The following NUP210L variants were observed in gnomAD, a reference collection of about 807,000 sequenced individuals.
The protein encoded by NUP210L is nuclear pore membrane glycoprotein 210-like.
A neutral mutation model predicts 208.5 loss-of-function variants in NUP210L; 74 were observed. The observed-to-expected ratio is 0.35, with a 90% CI of 0.29 to 0.43. The LOEUF is 0.43. NUP210L is among the 20% of genes least tolerant of loss of function. The pLI, the probability that NUP210L is intolerant of heterozygous loss-of-function variation, is 1.00. For missense variants in NUP210L, 1,843 were observed against 2,289.4 expected, an observed-to-expected ratio of 0.81 and a Z score of 3.98; for synonymous variants, 780 against 816.9, an observed-to-expected ratio of 0.95 and a Z score of 0.77.
chr1:154,010,194 G>T, intron 34 of NUP210L, 73 bp from the exon 35 acceptor site: 2 of 1,419,808 alleles, frequency 1.4e-6, no homozygotes, highest in Non-Finnish European at 9.6e-7. Flanking sequence ...ATTATATGGA[G>T]GCAATTTTGA....
Position 154,045,788 on chromosome 1 carries a change from C to T in NUP210L, c.3696+281G>A, listed in dbSNP as rs910603396. On this transcript the variant is annotated intron_variant, in intron 27 of 39. Transcript: ENST00000368559. ...CCTAAGCTCAGGAGCTCAAGAACAG[C>T]CTGGGCAACAAGGCAAAAACCCCAT... Among the ~76,000 whole-genome samples, 4 of 152,162 alleles carry T rather than the reference C, an allele frequency of 2.6e-5. No homozygotes were observed. The East Asian group carries it at 7.7e-4, about 29-fold the overall frequency.
intron 17 of NUP210L, among the ~76,000 whole-genome samples, chr1:154,068,380 T>C (rs1434665425): frequency 3.3e-5 from 5 of 152,070 alleles, no homozygotes; most frequent in Non-Finnish European, 7.4e-5. Flanking sequence ...TGGCTAGCCA[T>C]ATGTAGAAAG....
chr1:154,022,245 C>A lies in NUP210L; in HGVS notation c.4397G>T (p.Arg1466Ile), dbSNP rs999292387. 3 of 1,614,024 alleles carry A rather than the reference C, an allele frequency of 1.9e-6. No individual in the cohort carries two copies. Among genetic ancestry groups the A allele is most frequent in the African/African-American group, 2.7e-5 (2 of 74,916 alleles). The change falls in exon 32 of 40, where the codon AGA becomes ATA. Residue 1466 changes from arginine to isoleucine, a missense_variant. By Grantham distance (97) the Arg-to-Ile change is moderately conservative (BLOSUM62 -3). Transcript: ENST00000368559. Reference sequence around the variant, plus strand: ...AATATAATCTGCCATGCCTGGATGTCTCCGGTCCCAAAGCCCCACAAGTGT... The same window carrying A: ...AATATAATCTGCCATGCCTGGATGTATCCGGTCCCAAAGCCCCACAAGTGT...
At chr1:154,095,573 T>C (rs970112664) in intron 14 of NUP210L, among the ~76,000 whole-genome samples, 3 of 152,194 alleles carry the variant, frequency 2.0e-5, no homozygotes, top group African/African-American at 7.2e-5. Flanking sequence ...TTATACCTAA[T>C]TTGTTTTAGT....
At chr1:154,130,890 C>A (rs568092616) in intron 7 of NUP210L, among the ~76,000 whole-genome samples, 1 of 152,072 alleles carries the variant, frequency 6.6e-6, no homozygotes, top group South Asian at 2.1e-4. Context: ...CGGCCTAAAG[C>A]AAATCTTCTA....
At chr1:154,023,215 A>G (rs751992593) in exon 31 of NUP210L, 5 of 1,613,966 alleles carry the variant, frequency 3.1e-6, no homozygotes. Context: ...AGACATGCCC[A>G]AGGGAAATGC....
At chr1:154,135,421 T>C (rs983863920) in intron 7 of NUP210L, among the ~76,000 whole-genome samples, 2 of 151,966 alleles carry the variant, frequency 1.3e-5, no homozygotes, top group East Asian at 3.9e-4. Context: ...AGTAGTATTA[T>C]AATCTTTTTT....
chr1:154,031,899 A>T (rs369432527), intron 27 of NUP210L, among the ~76,000 whole-genome samples: 1,999 of 119,048 alleles, frequency 0.017, 32 homozygotes, highest in African/African-American at 0.043. Flanking sequence ...ATTAAAAAAA[A>T]TTTTTTTTTT....
intron 25 of NUP210L, among the ~76,000 whole-genome samples, chr1:154,052,297 C>T (rs1325355502): frequency 6.6e-6 from 1 of 152,180 alleles, no homozygotes; most frequent in Non-Finnish European, 1.5e-5. Flanking sequence ...CACCTGAAAC[C>T]TTATCATGAG....
chr1:154,150,028 G>A (rs533057247), intron 2 of NUP210L, among the ~76,000 whole-genome samples: 2 of 152,142 alleles, frequency 1.3e-5, no homozygotes, highest in Non-Finnish European at 2.9e-5. Flanking sequence ...AGGAGTTTGA[G>A]ACCAGCCTAG....
chr1:154,058,834 T>A, intron 20 of NUP210L, 141 bp from the exon 21 acceptor site: 1 of 731,336 alleles, frequency 1.4e-6, no homozygotes. Context: ...GTAACATTAT[T>A]CAGGCATAGC....
At chr1:154,090,568 T>C (rs915790234) in intron 15 of NUP210L, among the ~76,000 whole-genome samples, 2 of 152,168 alleles carry the variant, frequency 1.3e-5, no homozygotes. Flanking sequence ...CCCAGCACTT[T>C]GGGAGGCTGA....
At chr1:154,138,475 A>G (rs1462247346) in intron 5 of NUP210L, among the ~76,000 whole-genome samples, 3 of 152,218 alleles carry the variant, frequency 2.0e-5, no homozygotes, top group Non-Finnish European at 4.4e-5. Flanking sequence ...AAAGTCTTCT[A>G]AAAGAAAAAA....
In NUP210L at chr1:154,029,927, A is replaced by G. The variant is rs1256032472; in HGVS notation, c.3824T>C (p.Leu1275Ser). Residue 1275 changes from leucine (L) to serine (S), a missense_variant, in exon 28 of 40, where the codon TTG becomes TCG. Physicochemically the swap from Leu to Ser is moderately radical, Grantham distance 145. Around this residue, in one of 5 missense-constraint regions of NUP210L, gnomAD observed 781 missense variants for 973.8 expected, o/e 0.80. Transcript: ENST00000368559. ...CTGTACTTCATCAGAGAGTTCCAAC[A>G]AATTCCCCTCAAACTGCCCAGAGGA... 3.1e-6 allele frequency: 5 copies of G among 1,610,030 alleles called. No homozygotes were observed. In the African/African-American group the frequency reaches 6.7e-5, roughly 22 times the overall value.
In NUP210L at chr1:154,141,448, TTCTTC is replaced by T. The variant is rs770147372; in HGVS notation, c.544_548del (p.Glu182ThrfsTer3). The T allele has an allele frequency of 1.3e-5, 21 of 1,606,964 alleles. No homozygotes were observed. Among genetic ancestry groups the T allele is most frequent in the Non-Finnish European group, 1.7e-5 (20 of 1,173,442 alleles). ...AAGTTTACCTAATTTTGCTAGACAG[TTCTTC>T]TCTTGCTGACTCGTTGTCCTGGGCA... is the stretch of plus-strand genomic sequence containing the variant. On this transcript the variant is annotated frameshift_variant, in exon 4 of 40. Transcript: ENST00000368559. LOFTEE classifies it high-confidence loss of function.
chr1:154,151,985 G>C (rs946795168), intron 2 of NUP210L, among the ~76,000 whole-genome samples: 1 of 149,316 alleles, frequency 6.7e-6, no homozygotes, highest in Admixed American at 6.7e-5. Flanking sequence ...AGCTACTCAA[G>C]AGGCTGAGCC....
intron 16 of NUP210L, among the ~76,000 whole-genome samples, chr1:154,071,437 T>C (rs537917214): frequency 8.6e-5 from 13 of 151,586 alleles, no homozygotes; most frequent in Non-Finnish European, 1.2e-4. Flanking sequence ...TTTTATCTCT[T>C]ACCCCCCTCC....
intron 12 of NUP210L, among the ~76,000 whole-genome samples, chr1:154,105,950 G>C (rs1182610715): frequency 1.3e-5 from 2 of 152,118 alleles, no homozygotes; most frequent in Admixed American, 1.3e-4. Flanking sequence ...CCCTCAGTTT[G>C]AACAAAGGAG....
At chr1:154,136,571 T>C (rs1658557218) in intron 6 of NUP210L, among the ~76,000 whole-genome samples, 1 of 151,948 alleles carries the variant, frequency 6.6e-6, no homozygotes, top group Admixed American at 6.6e-5. Context: ...GGAGGGGTCA[T>C]CATTAGTAAG....
Sources: gnomAD v4.1 joint callset for allele counts (sites outside exome capture counted in the v4.1 genomes callset) on GRCh38, gnomAD v4.1.1 for gene constraint, gnomAD v4.1.1 regional missense constraint, MANE v1.5 for transcripts, NCBI Gene and HGNC (gene_info 2026-07-23, HGNC 2026-07-21) for gene names.